C13orf46: variants seen among roughly 807,000 people sequenced by gnomAD.
The protein encoded by C13orf46 is uncharacterized protein C13orf46.
chr13:113,942,765 C>T, the C13orf46 span, among the ~76,000 whole-genome samples: 3,078 of 152,274 alleles, frequency 0.02, 64 homozygotes, highest in Middle Eastern at 0.054. Context: ...GCAGCGGAGG[C>T]GGCCTGTTGG....
At chr13:113,932,702 A>G in the C13orf46 span, among the ~76,000 whole-genome samples, 90 of 152,322 alleles carry the variant, frequency 5.9e-4, no homozygotes, top group African/African-American at 2.1e-3. Context: ...AAAGGGCAAA[A>G]GTTTTAAATT....
the C13orf46 span, among the ~76,000 whole-genome samples, chr13:113,940,101 C>T: frequency 2.1e-4 from 32 of 152,242 alleles, no homozygotes; most frequent in Admixed American, 4.6e-4. Flanking sequence ...CCTGCCCATG[C>T]GGCCAAAGTC....
chr13:113,947,965 A>G, the C13orf46 span, among the ~76,000 whole-genome samples: 1 of 152,192 alleles, frequency 6.6e-6, no homozygotes, highest in African/African-American at 2.4e-5. Context: ...CCTCTCTAGG[A>G]GCCCATGTCC....
chr13:113,957,510 T>C (rs1203568680), intron 6 of C13orf46, among the ~76,000 whole-genome samples: 20 of 139,070 alleles, frequency 1.4e-4, no homozygotes, highest in African/African-American at 5.5e-4. Context: ...ATGCACCCCC[T>C]TTCATCAAGC....
chr13:113,940,314 C>T, the C13orf46 span, among the ~76,000 whole-genome samples: 36 of 152,378 alleles, frequency 2.4e-4, no homozygotes, highest in African/African-American at 8.2e-4. Flanking sequence ...CCAGATGAGC[C>T]AGCCTGCAGC....
chr13:113,964,264 G>C (rs998070345), intron 6 of C13orf46, among the ~76,000 whole-genome samples: 1 of 152,182 alleles, frequency 6.6e-6, no homozygotes, highest in Non-Finnish European at 1.5e-5. Flanking sequence ...ATTGCTTTTT[G>C]TATTTTTGTG....
chr13:113,945,395 A>G, the C13orf46 span, among the ~76,000 whole-genome samples: 18 of 151,620 alleles, frequency 1.2e-4, no homozygotes, highest in Admixed American at 4.0e-4. Flanking sequence ...AATACAAAAA[A>G]CTAGTCAGGT....
At chr13:113,945,618 A>AAG in the C13orf46 span, among the ~76,000 whole-genome samples, 2 of 104,434 alleles carry the variant, frequency 1.9e-5, no homozygotes, top group African/African-American at 6.9e-5. Context: ...GAAAGAAAGA[A>AAG]AGAAAGAAAG....
At chr13:113,966,177 ATGATGATGG>A (rs1410817320) in intron 5 of C13orf46, among the ~76,000 whole-genome samples, 15 of 74,848 alleles carry the variant, frequency 2.0e-4, no homozygotes, top group Admixed American at 1.7e-3. Flanking sequence ...GATGGTGATG[ATGATGATGG>A]TGATGATGGT....
intron 6 of C13orf46, among the ~76,000 whole-genome samples, chr13:113,958,036 C>A (rs1380781692): frequency 7.2e-6 from 1 of 138,022 alleles, no homozygotes; most frequent in Admixed American, 7.4e-5. Flanking sequence ...ACTCTGCCTG[C>A]ACCCCTTTCA....
At chr13:113,944,038 GACGC>G in the C13orf46 span, among the ~76,000 whole-genome samples, 2 of 152,274 alleles carry the variant, frequency 1.3e-5, no homozygotes, top group South Asian at 4.1e-4. Context: ...TGCATCCCAA[GACGC>G]ACGCTGCAGG....
At chr13:113,965,251 A>T (rs1193846917) in intron 5 of C13orf46, among the ~76,000 whole-genome samples, 1 of 152,176 alleles carries the variant, frequency 6.6e-6, no homozygotes, top group East Asian at 1.9e-4. Context: ...GCCCTCCTTG[A>T]GTCCTTAGAA....
rs2052499643 is a variant in C13orf46, at chr13:113,953,799, C to T, written c.*2974G>A. ...CTGCCCCACCAAGGGGACAAACCAA[C>T]CGTATTTCCGGAAGCTTCTCTGGGT... On this transcript the variant is annotated 3_prime_UTR_variant, in exon 7 of 7. Transcript: ENST00000636427. The T allele has an allele frequency of 6.6e-6, 1 of 152,310 alleles. No homozygotes were observed. Among genetic ancestry groups the T allele is most frequent in the African/African-American group, 2.4e-5 (1 of 41,466 alleles). The allele number at this position is 152,310 out of a possible 1,614,324, so 9.4% of individuals were successfully genotyped here. A position where few individuals can be genotyped will look rare whatever the true frequency, so the allele number is the denominator to read the frequency against.
the C13orf46 span, among the ~76,000 whole-genome samples, chr13:113,942,994 C>G: frequency 6.6e-6 from 1 of 152,222 alleles, no homozygotes; most frequent in Non-Finnish European, 1.5e-5. Context: ...ATGCTGAGCC[C>G]TGCCCTCAGG....
At chr13:113,935,726 G>C in the C13orf46 span, among the ~76,000 whole-genome samples, 1 of 152,150 alleles carries the variant, frequency 6.6e-6, no homozygotes, top group Non-Finnish European at 1.5e-5. Flanking sequence ...TTTTCCTGCC[G>C]GGAATGCATT....
rs1004028195 is a variant in C13orf46 at position 113,956,285 on chromosome 13, A to G, written c.*488T>C. The G allele has an allele frequency of 1.3e-5, 2 of 156,068 alleles. No homozygotes were observed. Among genetic ancestry groups the G allele is most frequent in the African/African-American group, 4.8e-5 (2 of 41,254 alleles). 9.7% of individuals were successfully genotyped at this position (156,068 alleles called of 1,614,324 possible). ...GGAACATCCGGTGGAGAGGAGGAGCATCTGGTGGAGACGAGGAGCATCTGG... is the reference window on the plus strand; with the variant it reads ...GGAACATCCGGTGGAGAGGAGGAGCGTCTGGTGGAGACGAGGAGCATCTGG... On this transcript the variant is annotated 3_prime_UTR_variant, in exon 7 of 7. Transcript: ENST00000636427.
downstream of C13orf46, among the ~76,000 whole-genome samples, chr13:113,952,154 G>A (rs1284063111): frequency 3.3e-5 from 5 of 152,232 alleles, no homozygotes; most frequent in African/African-American, 1.2e-4. Flanking sequence ...GGGTGACACG[G>A]CAGGGAAGAG....
the C13orf46 span, among the ~76,000 whole-genome samples, chr13:113,935,222 G>T: frequency 2.6e-5 from 4 of 152,222 alleles, no homozygotes; most frequent in Non-Finnish European, 5.9e-5. Flanking sequence ...TGGTCCCTGC[G>T]GCTGTGGCAG....
chr13:113,934,734 A>C, the C13orf46 span, among the ~76,000 whole-genome samples: 1 of 152,172 alleles, frequency 6.6e-6, no homozygotes, highest in South Asian at 2.1e-4. Context: ...ACACTGGAAA[A>C]CCAGACCTGA....
Sources: gnomAD v4.1 joint callset for allele counts (sites outside exome capture counted in the v4.1 genomes callset) on GRCh38, gnomAD v4.1.1 for gene constraint, MANE v1.5 for transcripts, NCBI Gene and HGNC (gene_info 2026-07-23, HGNC 2026-07-21) for gene names.